Variants in SMARCA1 observed in about 807,000 individuals in gnomAD.
SMARCA1 encodes the protein SWI/SNF-related matrix-associated actin-dependent regulator of chromatin subfamily A member 1.
SMARCA1 carries 17 observed loss-of-function variants against 93.6 expected under a neutral mutation model. The ratio of observed to expected loss-of-function variants is 0.18; its 90% CI spans 0.12 to 0.27. The LOEUF (loss-of-function observed/expected upper bound fraction) is 0.27, where lower values mean the gene tolerates loss of function less well. Among genes scored for constraint, SMARCA1 ranks in the 10% least tolerant of loss-of-function variants. The pLI is 1.00. For missense variants in SMARCA1, 630 were observed against 819.0 expected (o/e 0.77, Z 2.82); for synonymous variants, 271 against 271.4 (o/e 1.00, Z 0.01).
chrX:129,514,142 C>T (rs976351460), intron 5 of SMARCA1, among the ~76,000 whole-genome samples: 6 of 112,099 alleles, frequency 5.4e-5, no homozygotes, highest in African/African-American at 1.9e-4. Flanking sequence ...CGTGAAACCC[C>T]GTCTCTACTA....
chrX:129,501,279 T>A (rs775858565), intron 9 of SMARCA1, among the ~76,000 whole-genome samples: 4 of 105,884 alleles, frequency 3.8e-5, no homozygotes, highest in Non-Finnish European at 7.7e-5. Flanking sequence ...AACAAATATA[T>A]GATATGTGTA....
At chrX:129,454,789 C>T (rs1602643673) in intron 23 of SMARCA1, among the ~76,000 whole-genome samples, 2 of 111,518 alleles carry the variant, frequency 1.8e-5, no homozygotes, top group African/African-American at 6.5e-5. Context: ...AATGCTATCC[C>T]TCCCCCCATG....
chrX:129,458,784 A>G (rs962564152), intron 23 of SMARCA1, among the ~76,000 whole-genome samples: 3 of 112,344 alleles, frequency 2.7e-5, no homozygotes, highest in Non-Finnish European at 3.8e-5. Context: ...AGGGCACACA[A>G]AAAACTCCAC....
In SMARCA1 at chrX:129,468,833, T is replaced by C; in HGVS notation, c.2638A>G (p.Ile880Val). 8.5e-7 allele frequency: 1 copy of C among 1,177,746 alleles called. No homozygotes were observed. The highest frequency in any genetic ancestry group is 2.2e-5 in the Admixed American group (1 of 45,752). The change falls in exon 21 of 25, where the codon ATT becomes GTT. Residue 880 changes from isoleucine (I) to valine (V), a missense_variant. Physicochemically the swap from Ile to Val is conservative, Grantham distance 29. Around this residue, in one of 4 missense-constraint regions of SMARCA1, gnomAD observed 93 missense variants for 160.8 expected, o/e 0.58. Transcript: ENST00000371121. ...KANEKYGRDD[I>V]DNIAREVEGK... ...TCTACCTCTCGAGCTATGTTATCAA[T>C]GTCATCTCTTCCATATTTCTCATTA...
chrX:129,462,208 C>A (rs1369080541), intron 23 of SMARCA1, among the ~76,000 whole-genome samples: 1 of 112,185 alleles, frequency 8.9e-6, no homozygotes, highest in African/African-American at 3.2e-5. Flanking sequence ...TAAGTTCAAT[C>A]ATTAGTAAGA....
In SMARCA1 at chrX:129,507,756, G is replaced by A. The variant is rs540743654; in HGVS notation, c.966+185C>T. ...TTTAGTAGAGACGGGGTTTCACCATGTTGGTCAGAATGGTCTCAATCTCTT... is the reference window on the plus strand; with the variant it reads ...TTTAGTAGAGACGGGGTTTCACCATATTGGTCAGAATGGTCTCAATCTCTT... On this transcript the variant is annotated intron_variant, in intron 7 of 24. Transcript: ENST00000371121. Among the ~76,000 whole-genome samples the A allele has an allele frequency of 1.5e-4, 17 of 112,102 alleles. No homozygotes were observed. In the South Asian group the frequency reaches 5.6e-3, roughly 37 times the overall value.
At chrX:129,506,468 C>T (rs370697179) in intron 7 of SMARCA1, among the ~76,000 whole-genome samples, 5 of 109,960 alleles carry the variant, frequency 4.5e-5, no homozygotes, top group East Asian at 5.7e-4. Flanking sequence ...AGGTGGATCA[C>T]CTCAGGTCTG....
chrX:129,460,749 A>G (rs1032297785), intron 23 of SMARCA1, among the ~76,000 whole-genome samples: 1 of 111,672 alleles, frequency 9.0e-6, no homozygotes, highest in Non-Finnish European at 1.9e-5. Context: ...ACAAGTTGGC[A>G]ATTTTTTAAT....
intron 19 of SMARCA1, among the ~76,000 whole-genome samples, chrX:129,477,890 T>C (rs1171226416): frequency 1.8e-5 from 2 of 110,137 alleles, no homozygotes; most frequent in Admixed American, 9.7e-5. Context: ...CTCCATATGA[T>C]TTGACTCTAC....
chrX:129,470,305 C>G (rs1295716964), intron 20 of SMARCA1, among the ~76,000 whole-genome samples: 3 of 110,249 alleles, frequency 2.7e-5, no homozygotes, highest in Non-Finnish European at 5.7e-5. Context: ...TCGTAAAACT[C>G]ATGATAGCAA....
intron 1 of SMARCA1, among the ~76,000 whole-genome samples, chrX:129,519,078 T>C (rs1434870964): frequency 8.9e-6 from 1 of 112,200 alleles, no homozygotes; most frequent in African/African-American, 3.2e-5. Context: ...AAACTATTTA[T>C]ATTGCATAAA....
intron 23 of SMARCA1, among the ~76,000 whole-genome samples, chrX:129,451,700 ATTTTTTTTTTTTT>A (rs772285996): frequency 1.2e-5 from 1 of 81,445 alleles, no homozygotes; most frequent in Admixed American, 1.4e-4. Context: ...TACCAGCTCC[ATTTTTTTTTTTTT>A]TTTTTTTTGA....
chrX:129,523,053 TCCGCCGCCGACCCCCGCAC>T (rs1214281726), intron 1 of SMARCA1, 125 bp downstream of exon 1: 1 of 641,531 alleles, frequency 1.6e-6, no homozygotes, highest in Non-Finnish European at 2.3e-6. Context: ...GCCAGGCGGT[TCCGCCGCCGACCCCCGCAC>T]CCGCCGCCCC....
intron 20 of SMARCA1, among the ~76,000 whole-genome samples, chrX:129,469,786 C>A (rs755601688): frequency 4.4e-5 from 5 of 112,372 alleles, no homozygotes; most frequent in Middle Eastern, 4.7e-3. Flanking sequence ...AATATTATCT[C>A]AGTTGAGACT....
At chrX:129,503,964 CAAAA>C (rs77290378) in intron 9 of SMARCA1, among the ~76,000 whole-genome samples, 1 of 60,188 alleles carries the variant, frequency 1.7e-5, no homozygotes, top group African/African-American at 6.1e-5. Flanking sequence ...GACTCTCTCT[CAAAA>C]AAAAAAAAAA....
In SMARCA1 at chrX:129,518,374, T is replaced by C; in HGVS notation, c.248A>G (p.Tyr83Cys). The C allele has an allele frequency of 8.5e-7, 1 of 1,178,416 alleles. No homozygotes were observed. Among genetic ancestry groups the C allele is most frequent in the Non-Finnish European group, 1.1e-6 (1 of 870,395 alleles). ...GACTACATTTACCATTTTCTCTTCATATTCTGGGTCCATTTCCTTTTCAGA... is the reference window on the plus strand; with the variant it reads ...GACTACATTTACCATTTTCTCTTCACATTCTGGGTCCATTTCCTTTTCAGA... ...PKSEKEMDPE[Y>C]EEKMKADRAK... Residue 83 changes from tyrosine (Y) to cysteine (C), a missense_variant, in exon 2 of 25, where the codon TAT (tyrosine) becomes TGT (cysteine). Transcript: ENST00000371121.
intron 19 of SMARCA1, among the ~76,000 whole-genome samples, chrX:129,479,705 ATTTTATTTTT>A (rs1364049685): frequency 4.6e-5 from 4 of 87,436 alleles, no homozygotes; most frequent in African/African-American, 1.7e-4. Context: ...ATTTTATTTT[ATTTTATTTTT>A]GGGACAGAGT....
chrX:129,518,312 T>A (rs1935272863), intron 2 of SMARCA1, 49 bp downstream of exon 2: 1 of 714,823 alleles, frequency 1.4e-6, no homozygotes, highest in South Asian at 3.0e-5. Flanking sequence ...ACATCTCAAC[T>A]ATAAAAATTA....
chrX:129,468,910 G>C lies in SMARCA1; in HGVS notation c.2566-5C>G, dbSNP rs754322510. 4 of 1,169,420 alleles carry C rather than the reference G, an allele frequency of 3.4e-6. No individual in the cohort carries two copies. The Admixed American group carries it at 9.2e-5, about 27-fold the overall frequency. ...TTTAGTCCAGTTTGTGAAACCCTGT[G>C]AACAAAAAGTTAAGCATTATCAATA... On this transcript the variant is annotated splice_region_variant and splice_polypyrimidine_tract_variant and intron_variant, in intron 20 of 24. Coordinates refer to ENST00000371121, the MANE Select transcript of SMARCA1 (RefSeq NM_001282874.2).
Sources: gnomAD v4.1 joint callset for allele counts (sites outside exome capture counted in the v4.1 genomes callset) on GRCh38, gnomAD v4.1.1 for gene constraint, gnomAD v4.1.1 regional missense constraint, MANE v1.5 for transcripts, NCBI Gene and HGNC (gene_info 2026-07-23, HGNC 2026-07-21) for gene names.